KAZN: variants seen among roughly 807,000 people sequenced by gnomAD.
The protein encoded by KAZN is kazrin, periplakin interacting protein.
KAZN carries 40 observed loss-of-function variants against 87.4 expected under a neutral mutation model. The observed-to-expected ratio is 0.46, with a 90% CI of 0.36 to 0.60. KAZN has a LOEUF of 0.60. Ranked by LOEUF, KAZN falls within the 20% of genes least tolerant of loss-of-function variation. The probability of loss-of-function intolerance (pLI) is 0.00; values close to 1 mark genes in which losing one functional copy is unlikely to be tolerated. For missense variants in KAZN, 898 were observed against 1,073.9 expected (o/e 0.84, Z 2.29); for synonymous variants, 466 against 458.3 (o/e 1.02, Z -0.22).
intron 2 of KAZN, among the ~76,000 whole-genome samples, chr1:14,419,798 C>T (rs958750198): frequency 3.9e-5 from 6 of 152,064 alleles, no homozygotes; most frequent in South Asian, 2.1e-4. Flanking sequence ...GTTGTTCATT[C>T]CTCCCGGTGG....
At chr1:14,711,345 A>C (rs1329062280) in intron 1 of KAZN, among the ~76,000 whole-genome samples, 1 of 152,084 alleles carries the variant, frequency 6.6e-6, no homozygotes, top group East Asian at 1.9e-4. Flanking sequence ...TGTTTCCAAA[A>C]AAAAAAAAAA....
At chr1:13,990,024 A>G (rs1639205089) in intron 1 of KAZN, among the ~76,000 whole-genome samples, 1 of 152,248 alleles carries the variant, frequency 6.6e-6, no homozygotes, top group African/African-American at 2.4e-5. Flanking sequence ...TGTTACAGAT[A>G]TGGCATTGCC....
At chr1:15,046,228 G>A (rs1030425369) in intron 4 of KAZN, among the ~76,000 whole-genome samples, 9 of 150,242 alleles carry the variant, frequency 6.0e-5, no homozygotes, top group Admixed American at 2.0e-4. Context: ...AACCCGGGAG[G>A]CGGAGGTTGC....
At chr1:14,324,587 A>C (rs1656273307) in intron 2 of KAZN, among the ~76,000 whole-genome samples, 1 of 152,130 alleles carries the variant, frequency 6.6e-6, no homozygotes, top group African/African-American at 2.4e-5. Context: ...ACATTTCTTC[A>C]ATCAAAATAA....
chr1:14,363,399 G>A (rs756892207), intron 2 of KAZN, among the ~76,000 whole-genome samples: 6 of 152,130 alleles, frequency 3.9e-5, no homozygotes, highest in Non-Finnish European at 1.5e-5. Context: ...CTCTGGCCGT[G>A]ACTCATTTTC....
intron 10 of KAZN, 74 bp from the exon 11 acceptor site, chr1:15,101,469 C>T: frequency 1.0e-6 from 1 of 985,606 alleles, no homozygotes; most frequent in Non-Finnish European, 1.6e-6. Context: ...TGCATCTCCA[C>T]CCATTTCTGC....
At chr1:14,300,313 C>T (rs976960461) in intron 2 of KAZN, among the ~76,000 whole-genome samples, 1 of 151,970 alleles carries the variant, frequency 6.6e-6, no homozygotes, top group East Asian at 1.9e-4. Context: ...CTCACTGCAG[C>T]CTTGACCTCC....
At chr1:15,100,518 C>T (rs752385284) in intron 10 of KAZN, among the ~76,000 whole-genome samples, 4 of 152,202 alleles carry the variant, frequency 2.6e-5, no homozygotes, top group Non-Finnish European at 5.9e-5. Context: ...AGGTGGGATG[C>T]GGTGATCCTC....
intron 2 of KAZN, among the ~76,000 whole-genome samples, chr1:14,367,736 A>G (rs1220901431): frequency 6.6e-6 from 1 of 152,100 alleles, no homozygotes; most frequent in African/African-American, 2.4e-5. Flanking sequence ...TGCAAACACA[A>G]TGTTGTCCAG....
chr1:14,415,628 T>C (rs1664685406), intron 2 of KAZN, among the ~76,000 whole-genome samples: 2 of 152,168 alleles, frequency 1.3e-5, no homozygotes, highest in Non-Finnish European at 2.9e-5. Context: ...AGTATGTGAA[T>C]ACCCCAGCTC....
rs762924560 is a variant in KAZN at position 15,081,769 on chromosome 1, G to A, written c.1223-12411G>A. Among the ~76,000 whole-genome samples the A allele has an allele frequency of 6.6e-6, 1 of 152,092 alleles. No homozygotes were observed. Among genetic ancestry groups the A allele is most frequent in the South Asian group, 2.1e-4 (1 of 4,828 alleles). ...TTGGAGAGGGGGAATTAGGGGCATCGGGGAAATGCAGGAAGCCCAGGGTGC... is the reference window on the plus strand; with the variant it reads ...TTGGAGAGGGGGAATTAGGGGCATCAGGGAAATGCAGGAAGCCCAGGGTGC... On this transcript the variant is annotated intron_variant, in intron 8 of 14. Coordinates refer to ENST00000376030, the MANE Select transcript of KAZN (RefSeq NM_201628.3). The surrounding 1 kb of genome is among the most constrained non-coding windows in gnomAD (Gnocchi z 4.1).
chr1:14,089,668 A>G (rs1480822025), intron 1 of KAZN, among the ~76,000 whole-genome samples: 1 of 152,156 alleles, frequency 6.6e-6, no homozygotes, highest in East Asian at 1.9e-4. Context: ...ATAGCCAATT[A>G]TCTCTTAAAA....
At chr1:13,980,292 G>GAATTACACTAAGTATA (rs1271554460) in intron 1 of KAZN, among the ~76,000 whole-genome samples, 6 of 152,078 alleles carry the variant, frequency 3.9e-5, no homozygotes, top group African/African-American at 1.4e-4. Context: ...AATACATTAA[G>GAATTACACTAAGTATA]AATTACACTA....
intron 2 of KAZN, among the ~76,000 whole-genome samples, chr1:14,519,203 C>A (rs1415245927): frequency 1.3e-5 from 2 of 151,962 alleles, no homozygotes; most frequent in African/African-American, 2.4e-5. Context: ...GAAATAGCCC[C>A]TGACTACACA....
At chr1:14,442,873 C>A (rs1197824782) in intron 2 of KAZN, among the ~76,000 whole-genome samples, 2 of 152,208 alleles carry the variant, frequency 1.3e-5, no homozygotes, top group Non-Finnish European at 2.9e-5. Flanking sequence ...CAGCACCAGC[C>A]AAGGTGAGCT....
chr1:15,072,208 T>C (rs2100595305), intron 8 of KAZN, among the ~76,000 whole-genome samples: 1 of 152,164 alleles, frequency 6.6e-6, no homozygotes, highest in African/African-American at 2.4e-5. Context: ...GTTTTTGGAG[T>C]CTGAAAAGGG....
At chr1:14,114,089 T>G (rs981489552) in intron 1 of KAZN, among the ~76,000 whole-genome samples, 1 of 152,174 alleles carries the variant, frequency 6.6e-6, no homozygotes, top group Non-Finnish European at 1.5e-5. Context: ...TTTTAAGAGG[T>G]GCAGTCAGCC....
chr1:14,563,399 T>C (rs4641305), intron 2 of KAZN, among the ~76,000 whole-genome samples: 4,321 of 152,270 alleles, frequency 0.028, 194 homozygotes, highest in African/African-American at 0.099. Context: ...CCCAAGGGAC[T>C]CCAGTCAGGC....
chr1:14,776,690 G>T (rs955306840), intron 1 of KAZN, among the ~76,000 whole-genome samples: 1 of 152,092 alleles, frequency 6.6e-6, no homozygotes, highest in Non-Finnish European at 1.5e-5. Flanking sequence ...ACTTTGAGAG[G>T]CCTAGGTGGG....
Sources: allele counts gnomAD v4.1 joint callset (sites outside exome capture counted in the v4.1 genomes callset), GRCh38; gene constraint gnomAD v4.1.1; non-coding constraint Gnocchi (gnomAD v3.1); transcripts MANE v1.5; gene names NCBI Gene and HGNC (gene_info 2026-07-23, HGNC 2026-07-21).